Variants in PCDHGA7 observed in about 807,000 individuals in gnomAD.
PCDHGA7 encodes protocadherin gamma-A7.
Under a neutral mutation model 58.3 loss-of-function variants are expected in PCDHGA7, and 44 were observed. The ratio of observed to expected loss-of-function variants is 0.75; its 90% CI spans 0.59 to 0.97. The LOEUF (loss-of-function observed/expected upper bound fraction) is 0.97, where lower values mean the gene tolerates loss of function less well. PCDHGA7 is among the 50% of genes least tolerant of loss of function. The pLI, the probability that PCDHGA7 is intolerant of heterozygous loss-of-function variation, is 0.00. For synonymous variants in PCDHGA7, 516 were observed against 504.2 expected, an observed-to-expected ratio of 1.02 and a Z score of -0.31; for missense variants, 1,266 against 1,188.7, an observed-to-expected ratio of 1.06 and a Z score of -0.96.
At position 141,477,632 on chromosome 5, in the gene PCDHGA7, G is replaced by A. The variant is rs1262622928; in HGVS notation, c.2425-17175G>A. Reference sequence around the variant, plus strand: ...GGAGCAAGGAGCTGAAACCGGGCTAGTGGGTCGCTATTTCACAATAAATCG... The same window carrying A: ...GGAGCAAGGAGCTGAAACCGGGCTAATGGGTCGCTATTTCACAATAAATCG... On this transcript the variant is annotated intron_variant, in intron 1 of 3. Coordinates refer to ENST00000518325, the MANE Select transcript of PCDHGA7 (RefSeq NM_018920.4). This position sits in a 1 kb window ranked among gnomAD's most constrained non-coding sequence, Gnocchi z 4.9. 6.8e-6 allele frequency: 11 copies of A among 1,614,218 alleles called. No homozygotes were observed. Among genetic ancestry groups the A allele is most frequent in the Non-Finnish European group, 9.3e-6 (11 of 1,180,046 alleles).
chr5:141,403,895 T>C, intron 1 of PCDHGA7: 1 of 1,613,884 alleles, frequency 6.2e-7, no homozygotes, highest in Non-Finnish European at 8.5e-7. Context: ...ATGTTCATTT[T>C]ATGAAATGGA....
intron 1 of PCDHGA7, chr5:141,484,904 C>A: frequency 2.5e-6 from 1 of 405,682 alleles, no homozygotes; most frequent in Non-Finnish European, 4.4e-6. Context: ...TCCAATGCTG[C>A]GACGCATTAA....
chr5:141,445,272 T>C (rs1057201147), intron 1 of PCDHGA7, among the ~76,000 whole-genome samples: 1 of 152,236 alleles, frequency 6.6e-6, no homozygotes, highest in Non-Finnish European at 1.5e-5. Flanking sequence ...TCGAAACCAC[T>C]CTGCATAAGT....
In PCDHGA7 at chr5:141,486,043, A is replaced by G. The variant is rs1193580610; in HGVS notation, c.2425-8764A>G. 6.2e-7 allele frequency: 1 copy of G among 1,614,050 alleles called. No homozygotes were observed. Among genetic ancestry groups the G allele is most frequent in the African/African-American group, 1.3e-5 (1 of 74,918 alleles). ...GTGGTCATACCCCTGATCGTGTAAG[A>G]AACCTCTTTAGCCTGCACCCCACTA... On this transcript the variant is annotated intron_variant, in intron 1 of 3. Transcript: ENST00000518325. This position sits in a 1 kb window ranked among gnomAD's most constrained non-coding sequence, Gnocchi z 5.0.
At chr5:141,401,296 C>A (rs2094138441) in intron 1 of PCDHGA7, among the ~76,000 whole-genome samples, 1 of 152,104 alleles carries the variant, frequency 6.6e-6, no homozygotes, top group Non-Finnish European at 1.5e-5. Flanking sequence ...GAGCCGAGAT[C>A]ACTCCATTGC....
chr5:141,501,509 C>T lies in PCDHGA7; in HGVS notation c.2484-3884C>T, dbSNP rs1046763108. 4.6e-5 allele frequency among the ~76,000 whole-genome samples: 7 copies of T among 152,080 alleles called. No individual in the cohort carries two copies. The South Asian group carries it at 6.2e-4, about 14-fold the overall frequency. On this transcript the variant is annotated intron_variant, in intron 2 of 3. Transcript: ENST00000518325. The stretch of plus-strand genomic sequence containing the variant: ...ATATCTGCTGCTGGGGCTCCAAGGC[C>T]TCCAAGCTGAAGCCCAGTACGTTGT...
Position 141,432,046 on chromosome 5 carries a change from C to G in PCDHGA7, c.2424+46723C>G, listed in dbSNP as rs1389286417. The G allele has an allele frequency of 6.2e-7, 1 of 1,614,224 alleles. No individual in the cohort carries two copies. The highest frequency in any genetic ancestry group is 2.2e-5 in the East Asian group (1 of 44,886). The stretch of plus-strand genomic sequence containing the variant: ...CAGTGACCGCCACTGACCGGGGAAC[C>G]CCGCCCCTATCCACGGAAACTCATA... On this transcript the variant is annotated intron_variant, in intron 1 of 3. Coordinates refer to ENST00000518325, the MANE Select transcript of PCDHGA7 (RefSeq NM_018920.4). This position sits in a 1 kb window ranked among gnomAD's most constrained non-coding sequence, Gnocchi z 6.0.
chr5:141,413,441 T>C (rs760538286), intron 1 of PCDHGA7: 1 of 1,614,056 alleles, frequency 6.2e-7, no homozygotes, highest in Non-Finnish European at 8.5e-7. Flanking sequence ...GGCAGCTTGA[T>C]CACCGCGGGC....
At chr5:141,404,897 C>A in intron 1 of PCDHGA7, 1 of 1,613,920 alleles carries the variant, frequency 6.2e-7, no homozygotes, top group African/African-American at 1.3e-5. Context: ...TGTACAGGAC[C>A]ATGGCCAGCC....
intron 1 of PCDHGA7, among the ~76,000 whole-genome samples, chr5:141,474,404 G>A (rs1014003488): frequency 4.6e-5 from 7 of 152,156 alleles, no homozygotes; most frequent in East Asian, 1.9e-4. Context: ...CAAGCTCCCC[G>A]GTGATGCCTA....
chr5:141,446,398 G>A (rs1379233102), intron 1 of PCDHGA7, among the ~76,000 whole-genome samples: 2 of 152,128 alleles, frequency 1.3e-5, no homozygotes, highest in African/African-American at 2.4e-5. Context: ...AAGAGAAATC[G>A]AGTTGAGTTC....
chr5:141,481,913 CAAAAAAAA>C (rs34114744), intron 1 of PCDHGA7, among the ~76,000 whole-genome samples: 1 of 90,852 alleles, frequency 1.1e-5, no homozygotes, highest in African/African-American at 4.2e-5. Flanking sequence ...AACTCCATCT[CAAAAAAAA>C]AAAAAAAAAA....
intron 1 of PCDHGA7, among the ~76,000 whole-genome samples, chr5:141,450,335 T>A (rs1054670037): frequency 1.3e-5 from 2 of 152,158 alleles, no homozygotes; most frequent in African/African-American, 4.8e-5. Context: ...CTCTTTAATC[T>A]ACTTTAATCT....
intron 1 of PCDHGA7, chr5:141,388,656 G>C (rs747453786): frequency 2.5e-5 from 40 of 1,613,886 alleles, no homozygotes; most frequent in Non-Finnish European, 3.4e-5. Context: ...CGTGTACCCG[G>C]GGACCACGGT....
chr5:141,409,844 C>G (rs1380163040), intron 1 of PCDHGA7: 3 of 1,611,858 alleles, frequency 1.9e-6, no homozygotes, highest in East Asian at 4.5e-5. Flanking sequence ...CAACGTGAGC[C>G]TGCGCGTGTT....
At chr5:141,418,337 C>G (rs1308299122) in intron 1 of PCDHGA7, 1 of 1,613,972 alleles carries the variant, frequency 6.2e-7, no homozygotes, top group East Asian at 2.2e-5. Context: ...TGCAGAAGAT[C>G]CTGATATTAG....
intron 1 of PCDHGA7, among the ~76,000 whole-genome samples, chr5:141,451,395 A>G (rs2098715118): frequency 6.6e-6 from 1 of 152,184 alleles, no homozygotes; most frequent in Admixed American, 6.6e-5. Context: ...AGTTAATGGC[A>G]AAATTAAGTT....
At chr5:141,510,844 C>A in intron 3 of PCDHGA7, 103 bp from the exon 4 acceptor site, 1 of 1,592,684 alleles carries the variant, frequency 6.3e-7, no homozygotes, top group South Asian at 1.1e-5. Context: ...GTGGTCAAGG[C>A]CCAGGGTGCT....
rs763097687 is a variant in PCDHGA7 at position 141,489,361 on chromosome 5, C to G, written c.2425-5446C>G. On this transcript the variant is annotated intron_variant, in intron 1 of 3. Transcript: ENST00000518325. This position sits in a 1 kb window ranked among gnomAD's most constrained non-coding sequence, Gnocchi z 4.5. Reference sequence around the variant, plus strand: ...TTACTCAGTGGTGGAGGAGTCTGAGCCGGGGACGCTGGTGGGGAATGTTGC... The same window carrying G: ...TTACTCAGTGGTGGAGGAGTCTGAGGCGGGGACGCTGGTGGGGAATGTTGC... 6.2e-7 allele frequency: 1 copy of G among 1,612,762 alleles called. No homozygotes were observed. Among genetic ancestry groups the G allele is most frequent in the African/African-American group, 1.3e-5 (1 of 74,874 alleles).
Sources: gnomAD v4.1 joint callset for allele counts (sites outside exome capture counted in the v4.1 genomes callset) on GRCh38, gnomAD v4.1.1 for gene constraint, Gnocchi (gnomAD v3.1) non-coding constraint, MANE v1.5 for transcripts, NCBI Gene and HGNC (gene_info 2026-07-23, HGNC 2026-07-21) for gene names.